Variants in CYFIP2 observed in about 807,000 individuals in gnomAD.
CYFIP2 encodes the protein cytoplasmic FMR1 interacting protein 2, also known as cytoplasmic FMR1-interacting protein 2.
In CYFIP2, 29 loss-of-function variants were observed where a neutral mutation model predicts 158.7. The ratio of observed to expected loss-of-function variants is 0.18; its 90% CI spans 0.14 to 0.25. The LOEUF is 0.25. Among genes scored for constraint, CYFIP2 ranks in the 10% least tolerant of loss-of-function variants. The pLI is 1.00. For missense variants in CYFIP2, 852 were observed against 1,639.5 expected (o/e 0.52, Z 8.29); for synonymous variants, 585 against 617.6 (o/e 0.95, Z 0.78).
At chr5:157,327,908 T>G in intron 18 of CYFIP2, 65 bp from the exon 19 acceptor site, 1 of 1,506,162 alleles carries the variant, frequency 6.6e-7, no homozygotes, top group Non-Finnish European at 9.2e-7. Flanking sequence ...TGTCTTTCAG[T>G]TGGCTCAGTT....
intron 3 of CYFIP2, among the ~76,000 whole-genome samples, chr5:157,288,321 C>G (rs1380979307): frequency 6.6e-6 from 1 of 152,142 alleles, no homozygotes; most frequent in Non-Finnish European, 1.5e-5. Context: ...ATGACCTGAT[C>G]ACCTGTTAAA....
intron 3 of CYFIP2, among the ~76,000 whole-genome samples, chr5:157,292,815 C>CTGCT (rs61377546): frequency 0.24 from 36,082 of 151,898 alleles, 5,618 homozygotes; most frequent in East Asian, 0.59. Flanking sequence ...TGTTGTGACA[C>CTGCT]TGCCAGATTA....
chr5:157,330,939 T>C (rs1411469962), intron 20 of CYFIP2, 89 bp downstream of exon 20: 2 of 992,302 alleles, frequency 2.0e-6, no homozygotes, highest in Non-Finnish European at 3.1e-6. Context: ...CAGGCCTGGG[T>C]ATTGTCTGCC....
chr5:157,329,224 ACAG>A (rs1403572458), intron 19 of CYFIP2, among the ~76,000 whole-genome samples: 16 of 152,258 alleles, frequency 1.1e-4, no homozygotes, highest in Non-Finnish European at 2.9e-5. Context: ...AGCAGAGAAC[ACAG>A]CCTTTCACAA....
chr5:157,355,229 T>C (rs1763336043), intron 23 of CYFIP2, among the ~76,000 whole-genome samples: 1 of 152,204 alleles, frequency 6.6e-6, no homozygotes, highest in Admixed American at 6.5e-5. Context: ...GGGTACATGC[T>C]GTGTTGCATA....
chr5:157,360,359 G>A lies in CYFIP2; in HGVS notation c.2895G>A (p.Glu965=). Reference sequence around the variant, plus strand: ...AGATATGCCGCTTGCCCCGACATGAGTATGGCTCCCCAGGTTGGTGATAGC... The same window carrying A: ...AGATATGCCGCTTGCCCCGACATGAATATGGCTCCCCAGGTTGGTGATAGC... The part of the protein sequence containing the change: ...MPKICRLPRH[E]YGSPGILEFF... The change falls in exon 25 of 31, where the codon GAG becomes GAA. Residue 965 remains glutamate, a synonymous_variant. Coordinates refer to ENST00000620254, the MANE Select transcript of CYFIP2 (RefSeq NM_001037333.3). 1.9e-6 allele frequency: 3 copies of A among 1,613,728 alleles called. No homozygotes were observed. The highest frequency in any genetic ancestry group is 2.5e-6 in the Non-Finnish European group (3 of 1,179,736).
At chr5:157,328,097 C>T in intron 19 of CYFIP2, 48 bp downstream of exon 19, 1 of 1,541,688 alleles carries the variant, frequency 6.5e-7, no homozygotes, top group Non-Finnish European at 8.9e-7. Context: ...AGACTGCCAC[C>T]TAGAAGACAT....
chr5:157,286,552 G>GTATATATATA (rs34826918), intron 2 of CYFIP2, among the ~76,000 whole-genome samples: 37 of 138,122 alleles, frequency 2.7e-4, no homozygotes, highest in African/African-American at 8.2e-4. Context: ...GCTATTTTAT[G>GTATATATATA]TATATATATA....
At position 157,297,491 on chromosome 5, in the gene CYFIP2, A is replaced by C. The variant is rs1481304256; in HGVS notation, c.387+717A>C. Among the ~76,000 whole-genome samples the C allele has an allele frequency of 5.3e-5, 8 of 152,356 alleles. No individual in the cohort carries two copies. In the East Asian group the frequency reaches 1.5e-3, roughly 29 times the overall value. On this transcript the variant is annotated intron_variant, in intron 5 of 30. Transcript: ENST00000620254. ...GAATAAATGAGGTCTGTTTGTAAAGAGCCAAGTAGGACCCTGGTCAGAGTA... is the reference window on the plus strand; with the variant it reads ...GAATAAATGAGGTCTGTTTGTAAAGCGCCAAGTAGGACCCTGGTCAGAGTA...
chr5:157,345,285 T>C (rs1005606070), intron 23 of CYFIP2: 1 of 152,404 alleles, frequency 6.6e-6, no homozygotes, highest in Non-Finnish European at 1.5e-5. Flanking sequence ...AAATGTTCTC[T>C]TGGCTTCCTA....
At chr5:157,304,428 T>C (rs534048734) in intron 8 of CYFIP2, 62 bp downstream of exon 8, 31 of 1,526,260 alleles carry the variant, frequency 2.0e-5, no homozygotes, top group South Asian at 1.2e-4. Context: ...TTCTTCTTAT[T>C]AAAAATCCGT....
chr5:157,308,625 T>A (rs958933196), intron 9 of CYFIP2, among the ~76,000 whole-genome samples: 1 of 152,190 alleles, frequency 6.6e-6, no homozygotes, highest in Non-Finnish European at 1.5e-5. Flanking sequence ...TGGTGTGACA[T>A]GGAGGGCATT....
Position 157,325,847 on chromosome 5 carries a change from A to G in CYFIP2, c.1982+209A>G, listed in dbSNP as rs1370229668. 3.3e-5 allele frequency: 19 copies of G among 573,662 alleles called. No homozygotes were observed. The Admixed American group carries it at 5.8e-4, about 18-fold the overall frequency. 35.5% of individuals were successfully genotyped at this position (573,662 alleles called of 1,614,324 possible). On this transcript the variant is annotated intron_variant, in intron 17 of 30. Transcript: ENST00000620254. Reference sequence around the variant, plus strand: ...GTTTCCCAGCCCAACTGCCCTTCCTATGCCTTGTCAGCCTCATAACAGCTA... The same window carrying G: ...GTTTCCCAGCCCAACTGCCCTTCCTGTGCCTTGTCAGCCTCATAACAGCTA...
At chr5:157,355,835 C>A (rs11952897) in intron 23 of CYFIP2, among the ~76,000 whole-genome samples, 33,416 of 152,042 alleles carry the variant, frequency 0.22, 3,966 homozygotes, top group African/African-American at 0.29. Context: ...GCTGTCAGGG[C>A]AGTCCATGAG....
At chr5:157,360,720 G>A (rs538217908) in intron 25 of CYFIP2, among the ~76,000 whole-genome samples, 1 of 152,330 alleles carries the variant, frequency 6.6e-6, no homozygotes, top group African/African-American at 2.4e-5. Context: ...TATTTGGGGA[G>A]ACTGAGGCTC....
intron 20 of CYFIP2, among the ~76,000 whole-genome samples, chr5:157,331,344 C>T (rs1485912701): frequency 6.6e-6 from 1 of 150,392 alleles, no homozygotes; most frequent in Admixed American, 6.7e-5. Context: ...AACTGAGAAA[C>T]ATCCCCATTT....
At chr5:157,272,744 A>G (rs1157722602) in intron 1 of CYFIP2, among the ~76,000 whole-genome samples, 1 of 152,166 alleles carries the variant, frequency 6.6e-6, no homozygotes, top group Non-Finnish European at 1.5e-5. Context: ...AAGTGTCTAC[A>G]TTATTAATAT....
intron 26 of CYFIP2, 76 bp from the exon 27 acceptor site, chr5:157,382,514 C>T (rs1766227534): frequency 1.9e-5 from 29 of 1,513,060 alleles, no homozygotes; most frequent in Non-Finnish European, 2.6e-5. Flanking sequence ...CTCCAGTGCT[C>T]AGGTTTTTAG....
intron 3 of CYFIP2, among the ~76,000 whole-genome samples, chr5:157,289,774 C>G (rs1429679710): frequency 1.3e-5 from 2 of 152,070 alleles, no homozygotes; most frequent in East Asian, 3.9e-4. Context: ...TTGGGGGGCA[C>G]ACAATTCAGC....
Sources: gnomAD v4.1 joint callset for allele counts (sites outside exome capture counted in the v4.1 genomes callset) on GRCh38, gnomAD v4.1.1 for gene constraint, MANE v1.5 for transcripts, NCBI Gene and HGNC (gene_info 2026-07-23, HGNC 2026-07-21) for gene names.